The following HDAC9 variants were observed in gnomAD, a reference collection of about 807,000 sequenced individuals.
The protein encoded by HDAC9 is histone deacetylase 9.
HDAC9 carries 41 observed loss-of-function variants against 139.4 expected under a neutral mutation model. The observed-to-expected ratio is 0.29, with a 90% CI of 0.23 to 0.38. The LOEUF is 0.38. Ranked by LOEUF, HDAC9 falls within the 10% of genes least tolerant of loss-of-function variation. HDAC9 has a pLI of 1.00. For missense variants in HDAC9, 1,147 were observed against 1,297.0 expected (o/e 0.88, Z 1.78); for synonymous variants, 517 against 476.2 (o/e 1.09, Z -1.12).
intron 12 of HDAC9, among the ~76,000 whole-genome samples, chr7:18,677,564 G>A (rs10245010): frequency 4.3e-4 from 65 of 151,920 alleles, no homozygotes; most frequent in Non-Finnish European, 8.1e-4. Context: ...CAAATTATTT[G>A]TAATTAATTA....
intron 22 of HDAC9, among the ~76,000 whole-genome samples, chr7:18,878,734 C>A (rs959520462): frequency 6.6e-6 from 1 of 152,060 alleles, no homozygotes; most frequent in Non-Finnish European, 1.5e-5. Flanking sequence ...GGAAGCATTC[C>A]CCTTGAAAAC....
At chr7:18,480,267 G>A (rs1428758969) in intron 1 of HDAC9, among the ~76,000 whole-genome samples, 12 of 152,172 alleles carry the variant, frequency 7.9e-5, no homozygotes, top group African/African-American at 2.9e-4. Flanking sequence ...TAAAACCGAG[G>A]ATAACATGCC....
intron 25 of HDAC9, among the ~76,000 whole-genome samples, chr7:18,980,744 TCCTTCTTCTTC>T (rs1784875276): frequency 9.0e-6 from 1 of 111,598 alleles, no homozygotes; most frequent in African/African-American, 3.1e-5. Flanking sequence ...TTCTTCTTCT[TCCTTCTTCTTC>T]TTCCTTCTTC....
chr7:18,099,985 C>T (rs754434858), intron 1 of HDAC9, among the ~76,000 whole-genome samples: 9 of 152,182 alleles, frequency 5.9e-5, no homozygotes, highest in African/African-American at 9.7e-5. Context: ...TTCTGCCTGA[C>T]TTCCTTTAAA....
At chr7:18,327,836 T>C (rs183833566) in intron 1 of HDAC9, 1 of 152,148 alleles carries the variant, frequency 6.6e-6, no homozygotes, top group East Asian at 1.9e-4. Context: ...TTGGTTATTT[T>C]AATATTCATT....
At chr7:18,306,676 C>T (rs758966416) in intron 1 of HDAC9, among the ~76,000 whole-genome samples, 10 of 152,144 alleles carry the variant, frequency 6.6e-5, no homozygotes, top group East Asian at 3.9e-4. Context: ...TTCTTGCTTA[C>T]GATCTTTGGA....
At chr7:18,139,963 C>T (rs1785767425) in intron 1 of HDAC9, among the ~76,000 whole-genome samples, 1 of 152,144 alleles carries the variant, frequency 6.6e-6, no homozygotes, top group Non-Finnish European at 1.5e-5. Context: ...CTTCTGTCCT[C>T]CAGAACTGTG....
intron 1 of HDAC9, among the ~76,000 whole-genome samples, chr7:18,339,151 T>G (rs1214561218): frequency 6.6e-6 from 1 of 151,508 alleles, no homozygotes; most frequent in Admixed American, 6.6e-5. Flanking sequence ...TTGCCTTTTT[T>G]TTTCTCCATG....
chr7:18,595,852 T>C (rs1177934213), intron 6 of HDAC9, among the ~76,000 whole-genome samples: 1 of 152,092 alleles, frequency 6.6e-6, no homozygotes, highest in Admixed American at 6.6e-5. Flanking sequence ...ACCCATACTT[T>C]GTGTCCCACT....
chr7:18,799,549 A>G (rs900645149), intron 17 of HDAC9, among the ~76,000 whole-genome samples: 4 of 152,190 alleles, frequency 2.6e-5, no homozygotes, highest in East Asian at 1.9e-4. Flanking sequence ...AGGATGTATG[A>G]CTCTATAAAC....
intron 2 of HDAC9, among the ~76,000 whole-genome samples, chr7:18,582,515 T>C (rs1828133513): frequency 6.6e-6 from 1 of 151,804 alleles, no homozygotes; most frequent in Admixed American, 6.6e-5. Flanking sequence ...CTTATATATA[T>C]ATATATTTTT....
intron 24 of HDAC9, 128 bp downstream of exon 24, chr7:18,954,358 A>G: frequency 1.4e-6 from 1 of 733,166 alleles, no homozygotes; most frequent in South Asian, 1.9e-5. Context: ...TTAAGTATAT[A>G]TCTTAATGTG....
intron 22 of HDAC9, among the ~76,000 whole-genome samples, chr7:18,888,905 T>C (rs1800418507): frequency 6.6e-6 from 1 of 152,172 alleles, no homozygotes; most frequent in Non-Finnish European, 1.5e-5. Context: ...ATAGATAAGG[T>C]CTTTATTCCA....
At chr7:18,899,708 T>C (rs1801527150) in intron 22 of HDAC9, among the ~76,000 whole-genome samples, 1 of 151,990 alleles carries the variant, frequency 6.6e-6, no homozygotes, top group South Asian at 2.1e-4. Context: ...TTCAATGTAA[T>C]TTGTTATTTA....
chr7:18,866,942 C>G (rs1798546432), intron 21 of HDAC9, among the ~76,000 whole-genome samples: 1 of 152,184 alleles, frequency 6.6e-6, no homozygotes, highest in Non-Finnish European at 1.5e-5. Context: ...TTCCAGAAAT[C>G]TGATTCTGAG....
chr7:18,222,808 C>A (rs1000569965), intron 2 of HDAC9, among the ~76,000 whole-genome samples: 3 of 152,050 alleles, frequency 2.0e-5, no homozygotes, highest in African/African-American at 7.2e-5. Flanking sequence ...GTTTGTTTTG[C>A]TATTTTAATA....
chr7:18,162,439 A>C, intron 2 of HDAC9: 1 of 1,286,064 alleles, frequency 7.8e-7, no homozygotes, highest in Non-Finnish European at 1.1e-6. Context: ...TAATTTATGA[A>C]GGAACTTTTT....
rs1303775548 is a variant in HDAC9, at chr7:18,767,164, A to C, written c.2214+9A>C. Reference sequence around the variant, plus strand: ...CTTGTGGTGGACTTGGGGTAAGTACAAGTTGGTTTACTGCCTTTAAATAAC... The same window carrying C: ...CTTGTGGTGGACTTGGGGTAAGTACCAGTTGGTTTACTGCCTTTAAATAAC... On this transcript the variant is annotated intron_variant, in intron 16 of 25. Transcript: ENST00000686413. 7 of 1,549,114 alleles carry C rather than the reference A, an allele frequency of 4.5e-6. No individual in the cohort carries two copies. Among genetic ancestry groups the C allele is most frequent in the Non-Finnish European group, 6.1e-6 (7 of 1,138,948 alleles).
intron 17 of HDAC9, among the ~76,000 whole-genome samples, chr7:18,813,192 G>A (rs776483590): frequency 5.9e-4 from 89 of 151,952 alleles, no homozygotes; most frequent in Non-Finnish European, 1.2e-3. Flanking sequence ...TGCCTGTCTT[G>A]TAATATTTGA....
Sources: gnomAD v4.1 joint callset for allele counts (sites outside exome capture counted in the v4.1 genomes callset) on GRCh38, gnomAD v4.1.1 for gene constraint, MANE v1.5 for transcripts, NCBI Gene and HGNC (gene_info 2026-07-23, HGNC 2026-07-21) for gene names.